Variants in IL17RD observed in about 807,000 individuals in gnomAD.
The protein encoded by IL17RD is interleukin 17 receptor D, also known as interleukin-17 receptor D.
In IL17RD, 52 loss-of-function variants were observed where a neutral mutation model predicts 80.5. That is an observed-to-expected ratio of 0.65 (90% CI 0.52 to 0.81). IL17RD has a LOEUF of 0.81. Among genes scored for constraint, IL17RD ranks in the 40% least tolerant of loss-of-function variants. The probability of loss-of-function intolerance (pLI) is 0.00; values close to 1 mark genes in which losing one functional copy is unlikely to be tolerated. For synonymous variants in IL17RD, 416 were observed against 391.8 expected (o/e 1.06, Z -0.73); for missense variants, 1,024 against 955.1 (o/e 1.07, Z -0.95).
chr3:57,097,604 G>T lies in IL17RD; in HGVS notation c.2099C>A (p.Ser700Ter). ...CCCCAAAGGCACCTTACCCAGGCCT[G>T]AAGAGGAGGACACGCTCTCCGTCAG... The part of the protein sequence containing the change: ...SSLTESVSSS[S>*]GLGEEEPPAL... Residue 700 changes from serine (S) to a stop codon, truncating the protein, a stop_gained, in exon 12 of 13, where the codon TCA becomes TAA. Coordinates refer to ENST00000296318, the MANE Select transcript of IL17RD (RefSeq NM_017563.5). LOFTEE classifies it high-confidence loss of function. The T allele has an allele frequency of 6.4e-7, 1 of 1,573,114 alleles. No homozygotes were observed. The highest frequency in any genetic ancestry group is 1.2e-5 in the South Asian group (1 of 85,260).
At position 57,165,326 on chromosome 3, in the gene IL17RD, G is replaced by T. The variant is rs1006798152; in HGVS notation, c.-40C>A. On this transcript the variant is annotated 5_prime_UTR_variant, in exon 1 of 13. Coordinates refer to ENST00000296318, the MANE Select transcript of IL17RD (RefSeq NM_017563.5). ...CCAGCCAGGCCGTTCTCTGCGCCCC[G>T]GCCGCCCGCCGCTGGCCAGCCCCGA... is the stretch of plus-strand genomic sequence containing the variant. 18 of 1,312,204 alleles carry T rather than the reference G, an allele frequency of 1.4e-5. No homozygotes were observed. Among genetic ancestry groups the T allele is most frequent in the Middle Eastern group, 5.2e-4 (2 of 3,880 alleles). The allele number at this position is 1,312,204 out of a possible 1,614,324, so 81.3% of individuals were successfully genotyped here. A position where few individuals can be genotyped will look rare whatever the true frequency, so the allele number is the denominator to read the frequency against.
At chr3:57,103,170 A>AT (rs560419906) in intron 8 of IL17RD, 25 bp from the exon 9 acceptor site, 364 of 1,536,618 alleles carry the variant, frequency 2.4e-4, no homozygotes, top group Non-Finnish European at 2.7e-4. Flanking sequence ...ATGCTGCATT[A>AT]TTTTTTTTTA....
chr3:57,127,409 TATA>T (rs1266216341), intron 1 of IL17RD, among the ~76,000 whole-genome samples: 28 of 85,016 alleles, frequency 3.3e-4, no homozygotes, highest in African/African-American at 5.6e-4. Context: ...TATATATATA[TATA>T]TTTTTTTTTT....
intron 1 of IL17RD, among the ~76,000 whole-genome samples, chr3:57,159,108 A>G (rs1051336702): frequency 3.4e-4 from 52 of 151,192 alleles, no homozygotes; most frequent in Non-Finnish European, 6.6e-4. Context: ...TTAATTTACA[A>G]TGTCGATATC....
intron 1 of IL17RD, among the ~76,000 whole-genome samples, chr3:57,155,676 C>T (rs992048087): frequency 5.9e-5 from 9 of 152,156 alleles, no homozygotes; most frequent in East Asian, 1.9e-4. Flanking sequence ...CTGCAACCTC[C>T]GCCTCCTGGG....
chr3:57,104,271 A>G, intron 8 of IL17RD, 71 bp downstream of exon 8: 3 of 1,046,974 alleles, frequency 2.9e-6, no homozygotes, highest in Non-Finnish European at 4.4e-6. Context: ...TTAGTGTTGT[A>G]AACAGTTGGA....
At chr3:57,163,910 C>T (rs1039467505) in intron 1 of IL17RD, among the ~76,000 whole-genome samples, 20 of 152,052 alleles carry the variant, frequency 1.3e-4, no homozygotes, top group Admixed American at 7.9e-4. Flanking sequence ...GTTTTCTGCA[C>T]CACATTTCTT....
chr3:57,106,897 C>T (rs1706976557), intron 5 of IL17RD, among the ~76,000 whole-genome samples: 2 of 152,088 alleles, frequency 1.3e-5, no homozygotes, highest in South Asian at 4.1e-4. Flanking sequence ...CCCCTGCCTC[C>T]ACCTTACCCC....
At position 57,127,200 on chromosome 3, in the gene IL17RD, AT is replaced by A. The variant is rs1559476661; in HGVS notation, c.127-6888del. Among the ~76,000 whole-genome samples, 79 of 124,162 alleles carry A rather than the reference AT, an allele frequency of 6.4e-4. 4 individuals are homozygous for A. The highest frequency in any genetic ancestry group is 2.7e-3 in the African/African-American group (73 of 27,324). The allele number at this position is 124,162 out of a possible 152,430, so 81.5% of individuals were successfully genotyped here. On this transcript the variant is annotated intron_variant, in intron 1 of 12. Transcript: ENST00000296318. ...CCAACTCATATATATATATATATAA[AT>A]ATATATAAAAATATATATAAATATA...
rs1336081172 is a variant in IL17RD, at chr3:57,110,114, A to C, written c.429+79T>G. The C allele has an allele frequency of 3.3e-6, 5 of 1,515,228 alleles. No homozygotes were observed. The East Asian group carries it at 7.4e-5, about 22-fold the overall frequency. 93.9% of individuals were successfully genotyped at this position (1,515,228 alleles called of 1,614,324 possible). A position where few individuals can be genotyped will look rare whatever the true frequency, so the allele number is the denominator to read the frequency against. The stretch of plus-strand genomic sequence containing the variant: ...GGACCCCATAGCCCCTCCTTCTCCA[A>C]TTTCAGACTTTGAATACACTATTCA... On this transcript the variant is annotated intron_variant, in intron 4 of 12. Transcript: ENST00000296318.
intron 5 of IL17RD, among the ~76,000 whole-genome samples, chr3:57,108,468 G>A (rs1053709790): frequency 7.0e-6 from 1 of 141,886 alleles, no homozygotes; most frequent in Non-Finnish European, 1.5e-5. Flanking sequence ...CACCGAGCCA[G>A]GCCAATTTTT....
chr3:57,096,488 C>A lies in IL17RD; in HGVS notation c.2125G>T (p.Ala709Ser). ...SSGLGEEEPP[A>S]LPSKLLSSGS... Reference sequence around the variant, plus strand: ...GAAGAGAGGAGCTTGGAAGGAAGGGCAGGAGGTTCCTCCTCACCTAAGGAG... The same window carrying A: ...GAAGAGAGGAGCTTGGAAGGAAGGGAAGGAGGTTCCTCCTCACCTAAGGAG... Residue 709 changes from alanine to serine, a missense_variant, in exon 13 of 13, where the codon GCC becomes TCC. Transcript: ENST00000296318. The A allele has an allele frequency of 6.2e-7, 1 of 1,612,862 alleles. No homozygotes were observed.
At chr3:57,102,013 A>ACT (rs5849191) in intron 10 of IL17RD, among the ~76,000 whole-genome samples, 1 of 151,932 alleles carries the variant, frequency 6.6e-6, no homozygotes, top group Non-Finnish European at 1.5e-5. Context: ...TAATCCCAGC[A>ACT]TGAGAGGGAG....
chr3:57,108,066 T>C (rs6445854), intron 5 of IL17RD, among the ~76,000 whole-genome samples: 32,890 of 151,846 alleles, frequency 0.22, 3,842 homozygotes, highest in African/African-American at 0.27. Context: ...TCCTTTTTTT[T>C]TTTTTCTTTT....
chr3:57,123,366 T>C (rs1182631025), intron 1 of IL17RD, among the ~76,000 whole-genome samples: 2 of 152,190 alleles, frequency 1.3e-5, no homozygotes, highest in Non-Finnish European at 2.9e-5. Flanking sequence ...GACACCTGCC[T>C]ACCTTCCCAG....
intron 5 of IL17RD, 27 bp downstream of exon 5, chr3:57,109,510 G>C (rs1170579022): frequency 6.2e-7 from 1 of 1,601,046 alleles, no homozygotes; most frequent in Non-Finnish European, 8.5e-7. Flanking sequence ...CTTCTCATGG[G>C]AACCAGGCAG....
intron 1 of IL17RD, among the ~76,000 whole-genome samples, chr3:57,146,836 T>C (rs1707941835): frequency 6.8e-6 from 1 of 147,188 alleles, no homozygotes. Context: ...TTTTTTTTTT[T>C]TTTTAGATGG....
At chr3:57,143,567 C>A (rs1707871179) in intron 1 of IL17RD, among the ~76,000 whole-genome samples, 1 of 152,228 alleles carries the variant, frequency 6.6e-6, no homozygotes, top group Non-Finnish European at 1.5e-5. Context: ...TGCTTACACA[C>A]AAATCTGCCA....
At chr3:57,128,336 G>T (rs1296313388) in intron 1 of IL17RD, among the ~76,000 whole-genome samples, 1 of 152,156 alleles carries the variant, frequency 6.6e-6, no homozygotes, top group African/African-American at 2.4e-5. Context: ...GACCAAAGCC[G>T]TAATCGTGAT....
Sources: allele counts gnomAD v4.1 joint callset (sites outside exome capture counted in the v4.1 genomes callset), GRCh38; gene constraint gnomAD v4.1.1; transcripts MANE v1.5; gene names NCBI Gene and HGNC (gene_info 2026-07-23, HGNC 2026-07-21).